GAA: variants seen among roughly 807,000 people sequenced by gnomAD.
The protein encoded by GAA is lysosomal alpha-glucosidase.
A neutral mutation model predicts 103.9 loss-of-function variants in GAA; 88 were observed. That is an observed-to-expected ratio of 0.85 (90% confidence interval 0.71 to 1.01). GAA has a LOEUF of 1.01. Ranked by LOEUF, GAA falls within the 50% of genes least tolerant of loss-of-function variation. The pLI is 0.00. For synonymous variants in GAA, 572 were observed against 563.1 expected (o/e 1.02, Z -0.22); for missense variants, 1,350 against 1,305.3 (o/e 1.03, Z -0.53).
rs780693815 is a variant in GAA, at chr17:80,111,141, G to GT, written c.1636+116_1636+117insT. 5.8e-5 allele frequency: 53 copies of GT among 914,336 alleles called. 4 individuals carry two copies. The highest frequency in any genetic ancestry group is 2.0e-4 in the African/African-American group (12 of 60,830). 56.6% of individuals were successfully genotyped at this position (914,336 alleles called of 1,614,324 possible). On this transcript the variant is annotated intron_variant, in intron 11 of 19. Transcript: ENST00000302262. ...AGCAGATGGGCCAGCGGGGAAAGGG[G>GT]CGGGGGGGGGATCCCCAGGAGAAAG...
chr17:80,109,506 C>G (rs1048958277), intron 8 of GAA, among the ~76,000 whole-genome samples: 1 of 152,244 alleles, frequency 6.6e-6, no homozygotes, highest in Non-Finnish European at 1.5e-5. Flanking sequence ...GGAAGATCCA[C>G]TTCAGCAGAG....
chr17:80,115,967 T>G (rs2039346252), intron 15 of GAA, among the ~76,000 whole-genome samples: 1 of 152,216 alleles, frequency 6.6e-6, no homozygotes, highest in Non-Finnish European at 1.5e-5. Flanking sequence ...TCAGCCATTT[T>G]GTTAAATACA....
rs2143846518 is a variant in GAA at position 80,107,629 on chromosome 17, GTATAT to G, written c.766_770del (p.Tyr256HisfsTer72). On this transcript the variant is annotated frameshift_variant, in exon 4 of 20. Coordinates refer to ENST00000302262, the MANE Select transcript of GAA (RefSeq NM_000152.5). LOFTEE classifies it high-confidence loss of function. ...AGCTGTCCACCTCGCTGCCCTCGCA[GTATAT>G]CACAGGCCTCGCCGAGCACCTCAGT... 14 of 1,613,088 alleles carry G rather than the reference GTATAT, an allele frequency of 8.7e-6. No individual in the cohort carries two copies. The highest frequency in any genetic ancestry group is 1.2e-5 in the Non-Finnish European group (14 of 1,179,916).
At chr17:80,109,606 C>T (rs1337537689) in intron 8 of GAA, among the ~76,000 whole-genome samples, 1 of 147,072 alleles carries the variant, frequency 6.8e-6, no homozygotes, top group African/African-American at 2.5e-5. Flanking sequence ...CCCTTAAGAG[C>T]AGGAGTGGAA....
intron 8 of GAA, 40 bp downstream of exon 8, chr17:80,108,868 G>A (rs560253524): frequency 1.9e-5 from 29 of 1,553,784 alleles, no homozygotes; most frequent in African/African-American, 8.2e-5. Flanking sequence ...GAAGGGGGCC[G>A]CCCGGTGCCC....
intron 15 of GAA, among the ~76,000 whole-genome samples, chr17:80,113,988 A>G: frequency 6.6e-6 from 1 of 151,590 alleles, no homozygotes. Flanking sequence ...ACTGTACTCC[A>G]GCCTGTGTGA....
rs1126755 is a variant in GAA, at chr17:80,119,833, C to T, written c.*502C>T. Reference sequence around the variant, plus strand: ...GAAAATTCACAGGACTTGGGAGATTCTAAATCTTAAGTGCAATTATTTTTA... The same window carrying T: ...GAAAATTCACAGGACTTGGGAGATTTTAAATCTTAAGTGCAATTATTTTTA... On this transcript the variant is annotated 3_prime_UTR_variant, in exon 20 of 20. Coordinates refer to ENST00000302262, the MANE Select transcript of GAA (RefSeq NM_000152.5). The T allele has an allele frequency of 5.4e-6, 1 of 183,852 alleles. No homozygotes were observed. Among genetic ancestry groups the T allele is most frequent in the Non-Finnish European group, 1.2e-5 (1 of 86,014 alleles). 11.4% of individuals were successfully genotyped at this position (183,852 alleles called of 1,614,324 possible). A position where few individuals can be genotyped will look rare whatever the true frequency, so the allele number is the denominator to read the frequency against.
At position 80,112,907 on chromosome 17, in the gene GAA, T is replaced by G. The variant is rs144090460; in HGVS notation, c.1920T>G (p.Pro640=). The G allele has an allele frequency of 1.1e-4, 171 of 1,610,512 alleles. 1 individual carries two copies. Among genetic ancestry groups the G allele is most frequent in the East Asian group, 6.7e-4 (30 of 44,824 alleles). ...TGCAGTTTAACCTGCTGGGGGTGCC[T>G]CTGGTCGGGGCCGACGTCTGCGGCT... ...EILQFNLLGV[P]LVGADVCGFL... is the part of the protein sequence containing the mutation. Residue 640 remains proline, a synonymous_variant, in exon 14 of 20, where the codon CCT becomes CCG. Coordinates refer to ENST00000302262, the MANE Select transcript of GAA (RefSeq NM_000152.5).
At position 80,118,226 on chromosome 17, in the gene GAA, C is replaced by A. The variant is rs920085419; in HGVS notation, c.2515C>A (p.Gln839Lys). The A allele has an allele frequency of 6.2e-7, 1 of 1,613,062 alleles. No homozygotes were observed. Among genetic ancestry groups the A allele is most frequent in the Non-Finnish European group, 8.5e-7 (1 of 1,179,722 alleles). The change falls in exon 18 of 20, where the codon CAG becomes AAG. Residue 839 changes from glutamine (Q) to lysine (K), a missense_variant. By Grantham distance (53) the Gln-to-Lys change is moderately conservative (BLOSUM62 1). Transcript: ENST00000302262. ...CCTCACAACCACAGAGTCCCGCCAG[C>A]AGCCCATGGCCCTGGCTGTGGCCCT... Reference protein sequence around the residue: ...PGLTTTESRQQPMALAVALTK... With the variant: ...PGLTTTESRQKPMALAVALTK...
At chr17:80,116,659 C>T (rs989735738) in intron 15 of GAA, among the ~76,000 whole-genome samples, 16 of 152,204 alleles carry the variant, frequency 1.1e-4, no homozygotes, top group Non-Finnish European at 1.9e-4. Context: ...CCTTGGTTAC[C>T]GGAGGATAAG....
At position 80,113,343 on chromosome 17, in the gene GAA, C is replaced by G; in HGVS notation, c.2166C>G (p.Thr722=). 3 of 1,588,942 alleles carry G rather than the reference C, an allele frequency of 1.9e-6. No homozygotes were observed. Among genetic ancestry groups the G allele is most frequent in the Non-Finnish European group, 2.6e-6 (3 of 1,166,716 alleles). The change falls in exon 15 of 20, where the codon ACC becomes ACG. Residue 722 remains threonine, a synonymous_variant. Coordinates refer to ENST00000302262, the MANE Select transcript of GAA (RefSeq NM_000152.5). ...LFHQAHVAGE[T]VARPLFLEFP... The stretch of plus-strand genomic sequence containing the variant: ...ACCAGGCCCACGTCGCGGGGGAGAC[C>G]GTGGCCCGGCCCCTCTTCCTGGAGT...
chr17:80,106,504 AG>A (rs2039092654), intron 3 of GAA, among the ~76,000 whole-genome samples: 1 of 151,244 alleles, frequency 6.6e-6, no homozygotes, highest in African/African-American at 2.4e-5. Context: ...TCTGGAAGCC[AG>A]CTGTGCAGGA....
At chr17:80,106,661 C>T (rs187364560) in intron 3 of GAA, among the ~76,000 whole-genome samples, 58 of 152,258 alleles carry the variant, frequency 3.8e-4, no homozygotes, top group Admixed American at 7.2e-4. Context: ...TTCATGTCTG[C>T]AATTCCAGCA....
rs1126690 is a variant in GAA at position 80,117,606 on chromosome 17, G to C, written c.2338G>C (p.Val780Leu). 1 of 1,612,668 alleles carries C rather than the reference G, an allele frequency of 6.2e-7. No individual in the cohort carries two copies. Among genetic ancestry groups the C allele is most frequent in the Non-Finnish European group, 8.5e-7 (1 of 1,179,912 alleles). Reference sequence around the variant, plus strand: ...AAGCAACATCTCCCTCCAGGTGCCAGTAGAGGCCCTTGGCAGCCTCCCACC... The same window carrying C: ...AAGCAACATCTCCCTCCAGGTGCCACTAGAGGCCCTTGGCAGCCTCCCACC... ...GTWYDLQTVP[V>L]EALGSLPPPP... The change falls in exon 17 of 20, where the codon GTA becomes CTA. Residue 780 changes from valine (V) to leucine (L), a missense_variant. Val to Leu is a conservative substitution (Grantham distance 32). Transcript: ENST00000302262.
Position 80,110,946 on chromosome 17 carries a change from G to C in GAA, c.1557G>C (p.Met519Ile), listed in dbSNP as rs1447365901. 2 of 1,613,838 alleles carry C rather than the reference G, an allele frequency of 1.2e-6. No individual in the cohort carries two copies. The change falls in exon 11 of 20, where the codon ATG (methionine) becomes ATC (isoleucine). Residue 519 changes from methionine (M) to isoleucine (I), a missense_variant. Transcript: ENST00000302262. ...CAGCAGCGCTTCTCTTGCAGGACAT[G>C]AACGAGCCTTCCAACTTCATCAGGG... ...QVPFDGMWID[M>I]NEPSNFIRGS...
rs35812579 is a variant in GAA at position 80,111,914 on chromosome 17, G to A, written c.1637-69G>A. On this transcript the variant is annotated intron_variant, in intron 11 of 19. Coordinates refer to ENST00000302262, the MANE Select transcript of GAA (RefSeq NM_000152.5). ...CTGCACAGGGGCTCCTGGGAGGTGGGGGGCAGGGAGGGCACCTTGGAGCCT... is the reference window on the plus strand; with the variant it reads ...CTGCACAGGGGCTCCTGGGAGGTGGAGGGCAGGGAGGGCACCTTGGAGCCT... The A allele has an allele frequency of 6.1e-3, 8,079 of 1,334,298 alleles. 34 individuals are homozygous for A. The highest frequency in any genetic ancestry group is 7.3e-3 in the Non-Finnish European group (6,869 of 938,800). 82.7% of individuals were successfully genotyped at this position (1,334,298 alleles called of 1,614,324 possible).
chr17:80,110,664 TG>T (rs1298891116), intron 9 of GAA, 62 bp from the exon 10 acceptor site: 13 of 1,420,216 alleles, frequency 9.2e-6, no homozygotes, highest in Non-Finnish European at 1.3e-5. Context: ...TGAGGCTCAG[TG>T]GGGCTTCCAT....
At chr17:80,119,147 GC>G in intron 19 of GAA, 124 bp from the exon 20 acceptor site, 1 of 992,714 alleles carries the variant, frequency 1.0e-6, no homozygotes, top group Non-Finnish European at 1.6e-6. Flanking sequence ...AGACGGAGCT[GC>G]CCCCTGAGCG....
rs980409013 is a variant in GAA at position 80,109,876 on chromosome 17, T to G, written c.1327-69T>G. On this transcript the variant is annotated intron_variant, in intron 8 of 19. Transcript: ENST00000302262. ...TCCCCAGCCTCATCCTCTCACTGTCTCAGTTTTCCCCGTGGCTGGCGCCAG... is the reference window on the plus strand; with the variant it reads ...TCCCCAGCCTCATCCTCTCACTGTCGCAGTTTTCCCCGTGGCTGGCGCCAG... 7.1e-6 allele frequency: 8 copies of G among 1,129,524 alleles called. No individual in the cohort carries two copies. The African/African-American group carries it at 1.1e-4, about 15-fold the overall frequency. 70.0% of individuals were successfully genotyped at this position (1,129,524 alleles called of 1,614,324 possible).
Sources: gnomAD v4.1 joint callset for allele counts (sites outside exome capture counted in the v4.1 genomes callset) on GRCh38, gnomAD v4.1.1 for gene constraint, MANE v1.5 for transcripts, NCBI Gene and HGNC (gene_info 2026-07-23, HGNC 2026-07-21) for gene names.